Variants in ME3 observed in about 807,000 individuals in gnomAD.
ME3 encodes the protein NADP-dependent malic enzyme, mitochondrial.
A neutral mutation model predicts 68.9 loss-of-function variants in ME3; 48 were observed. The ratio of observed to expected loss-of-function variants is 0.70; its 90% CI spans 0.55 to 0.89. The LOEUF (loss-of-function observed/expected upper bound fraction) is 0.89, where lower values mean the gene tolerates loss of function less well. Ranked by LOEUF, ME3 falls within the 40% of genes least tolerant of loss-of-function variation. The pLI is 0.00. For synonymous variants in ME3, 320 were observed against 318.8 expected, an observed-to-expected ratio of 1.00 and a Z score of -0.04; for missense variants, 675 against 797.4, an observed-to-expected ratio of 0.85 and a Z score of 1.85.
At chr11:86,524,912 G>A (rs1014323265) in intron 4 of ME3, among the ~76,000 whole-genome samples, 6 of 152,152 alleles carry the variant, frequency 3.9e-5, no homozygotes, top group Admixed American at 6.5e-5. Context: ...ACTAAGTTCC[G>A]CCTCCAAACT....
chr11:86,464,148 C>A, intron 8 of ME3: 2 of 442,550 alleles, frequency 4.5e-6, no homozygotes, highest in Non-Finnish European at 9.0e-6. Flanking sequence ...GAGAAGTTGG[C>A]CAACCTTTAG....
intron 2 of ME3, among the ~76,000 whole-genome samples, chr11:86,562,017 G>A (rs573186964): frequency 1.3e-4 from 20 of 152,154 alleles, no homozygotes; most frequent in Non-Finnish European, 2.5e-4. Flanking sequence ...TACCATGACA[G>A]TATCATACAA....
At chr11:86,507,213 CAG>C (rs1481862303) in intron 5 of ME3, among the ~76,000 whole-genome samples, 3 of 152,128 alleles carry the variant, frequency 2.0e-5, no homozygotes, top group Non-Finnish European at 2.9e-5. Flanking sequence ...TGGAGGGGCT[CAG>C]GGAATGGGCA....
At chr11:86,439,186 A>G (rs1471780234), downstream of ME3, among the ~76,000 whole-genome samples, 1 of 152,214 alleles carries the variant, frequency 6.6e-6, no homozygotes, top group Non-Finnish European at 1.5e-5. Flanking sequence ...AACACCCAGA[A>G]TAACATTTGA....
chr11:86,611,608 G>T (rs1421682194), intron 2 of ME3, among the ~76,000 whole-genome samples: 2 of 48,166 alleles, frequency 4.2e-5, no homozygotes, highest in Non-Finnish European at 8.4e-5. Context: ...AATAAAGTGG[G>T]GGGGGGGGGA....
intron 2 of ME3, among the ~76,000 whole-genome samples, chr11:86,580,291 A>C (rs1188764173): frequency 6.6e-6 from 1 of 152,218 alleles, no homozygotes; most frequent in Non-Finnish European, 1.5e-5. Flanking sequence ...CAAATGCCTC[A>C]AAATAAATGA....
intron 2 of ME3, among the ~76,000 whole-genome samples, chr11:86,665,012 G>A (rs370728650): frequency 5.9e-5 from 9 of 152,222 alleles, no homozygotes; most frequent in East Asian, 3.9e-4. Flanking sequence ...GACACTGGGC[G>A]ATGAGAGTCA....
intron 2 of ME3, among the ~76,000 whole-genome samples, chr11:86,560,084 GTTTTA>G (rs1274991553): frequency 6.6e-6 from 1 of 152,006 alleles, no homozygotes; most frequent in East Asian, 1.9e-4. Context: ...TAATATATAT[GTTTTA>G]TTTTATTTTT....
At chr11:86,478,849 A>C (rs1951231433) in intron 7 of ME3, among the ~76,000 whole-genome samples, 1 of 152,142 alleles carries the variant, frequency 6.6e-6, no homozygotes, top group African/African-American at 2.4e-5. Context: ...TTGGTTTAAA[A>C]ACCACTGCAT....
downstream of ME3, chr11:86,436,289 T>C (rs1948897379): frequency 6.6e-6 from 1 of 152,200 alleles, no homozygotes; most frequent in Non-Finnish European, 1.5e-5. Flanking sequence ...TTCATGTGCT[T>C]GTTAGCCATT....
At chr11:86,579,820 A>G (rs1402072850) in intron 2 of ME3, among the ~76,000 whole-genome samples, 1 of 152,248 alleles carries the variant, frequency 6.6e-6, no homozygotes, top group Non-Finnish European at 1.5e-5. Flanking sequence ...TTAATAGAGA[A>G]ACTCAAAGGT....
At chr11:86,533,752 C>A (rs915148492) in intron 4 of ME3, among the ~76,000 whole-genome samples, 20 of 152,124 alleles carry the variant, frequency 1.3e-4, no homozygotes, top group African/African-American at 4.6e-4. Context: ...AAAATACAGT[C>A]ACAGTGGATG....
intron 8 of ME3, among the ~76,000 whole-genome samples, chr11:86,459,093 C>G (rs1056334898): frequency 6.6e-5 from 10 of 152,098 alleles, no homozygotes; most frequent in Non-Finnish European, 2.9e-5. Flanking sequence ...ATGCATTATC[C>G]TGGGGGAAGT....
intron 4 of ME3, among the ~76,000 whole-genome samples, chr11:86,538,467 C>T (rs1955832353): frequency 6.6e-6 from 1 of 152,154 alleles, no homozygotes; most frequent in African/African-American, 2.4e-5. Flanking sequence ...TTGTTTTAAT[C>T]ATTGTTCCAT....
intron 7 of ME3, among the ~76,000 whole-genome samples, chr11:86,485,853 G>A (rs991014941): frequency 5.3e-5 from 8 of 152,086 alleles, no homozygotes; most frequent in Non-Finnish European, 1.2e-4. Flanking sequence ...AGTTGAACCT[G>A]GCTTGAGGAA....
At chr11:86,569,620 T>C (rs988434410) in intron 2 of ME3, among the ~76,000 whole-genome samples, 1 of 152,144 alleles carries the variant, frequency 6.6e-6, no homozygotes, top group Non-Finnish European at 1.5e-5. Context: ...GCACATAATA[T>C]CATCATCCAT....
chr11:86,613,771 G>A (rs1031659102), intron 2 of ME3, among the ~76,000 whole-genome samples: 1 of 152,086 alleles, frequency 6.6e-6, no homozygotes, highest in Non-Finnish European at 1.5e-5. Context: ...GGGATGTGAA[G>A]GACCTTTTCA....
At chr11:86,491,493 C>G (rs538220070) in intron 6 of ME3, among the ~76,000 whole-genome samples, 1 of 152,314 alleles carries the variant, frequency 6.6e-6, no homozygotes, top group East Asian at 1.9e-4. Context: ...GTATACATCT[C>G]TAGTCAACTG....
chr11:86,507,302 C>A (rs1021123206), intron 5 of ME3, among the ~76,000 whole-genome samples: 1 of 152,172 alleles, frequency 6.6e-6, no homozygotes, highest in Non-Finnish European at 1.5e-5. Context: ...CTGGATCAGT[C>A]TTTCTAACTA....
Sources: gnomAD v4.1 joint callset for allele counts (sites outside exome capture counted in the v4.1 genomes callset) on GRCh38, gnomAD v4.1.1 for gene constraint, MANE v1.5 for transcripts, NCBI Gene and HGNC (gene_info 2026-07-23, HGNC 2026-07-21) for gene names.